The following PLEKHA2 variants were observed in gnomAD, a reference collection of about 807,000 sequenced individuals.
The protein encoded by PLEKHA2 is pleckstrin homology domain-containing family A member 2.
A neutral mutation model predicts 53.2 loss-of-function variants in PLEKHA2; 28 were observed. That is an observed-to-expected ratio of 0.53 (90% confidence interval 0.39 to 0.72). PLEKHA2 has a LOEUF of 0.72. Ranked by LOEUF, PLEKHA2 falls within the 30% of genes least tolerant of loss-of-function variation. PLEKHA2 has a pLI of 0.00. For missense variants in PLEKHA2, 426 were observed against 537.9 expected (o/e 0.79, Z 2.06); for synonymous variants, 193 against 196.4 (o/e 0.98, Z 0.14).
chr8:38,971,314 CT>C lies in PLEKHA2; in HGVS notation c.*1532del. 6.5e-6 allele frequency: 1 copy of C among 154,300 alleles called. No individual in the cohort carries two copies. 9.6% of individuals were successfully genotyped at this position (154,300 alleles called of 1,614,324 possible). A position where few individuals can be genotyped will look rare whatever the true frequency, so the allele number is the denominator to read the frequency against. On this transcript the variant is annotated 3_prime_UTR_variant, in exon 12 of 12. Coordinates refer to ENST00000617275, the MANE Select transcript of PLEKHA2 (RefSeq NM_021623.2). Reference sequence around the variant, plus strand: ...CTTTCTCTCCCTTCCATCCCTTCCCCTGCCTTTCCTATACACGCTGGTGTGC... The same window carrying C: ...CTTTCTCTCCCTTCCATCCCTTCCCCGCCTTTCCTATACACGCTGGTGTGC...
intron 3 of PLEKHA2, among the ~76,000 whole-genome samples, chr8:38,942,977 A>G (rs1417732270): frequency 6.6e-6 from 1 of 152,164 alleles, no homozygotes; most frequent in Non-Finnish European, 1.5e-5. Context: ...TGTAAAGGCA[A>G]TTGTTCCATG....
At chr8:38,920,485 G>A (rs905697194) in intron 2 of PLEKHA2, among the ~76,000 whole-genome samples, 1 of 151,856 alleles carries the variant, frequency 6.6e-6, no homozygotes, top group African/African-American at 2.4e-5. Flanking sequence ...ATGTTGGCCA[G>A]GCTGGTCTTG....
At chr8:38,933,790 A>AAAAAAAAAAAAAAAAAAAGAAAG (rs71216697) in intron 2 of PLEKHA2, among the ~76,000 whole-genome samples, 2 of 90,662 alleles carry the variant, frequency 2.2e-5, no homozygotes, top group African/African-American at 7.7e-5. Context: ...AAAAAAAAAA[A>AAAAAAAAAAAAAAAAAAAGAAAG]AAAAGAAAAG....
chr8:38,952,594 G>T (rs1834866176), intron 7 of PLEKHA2, 42 bp from the exon 8 acceptor site: 1 of 1,576,292 alleles, frequency 6.3e-7, no homozygotes, highest in East Asian at 2.2e-5. Flanking sequence ...ACAATGCTGG[G>T]CACCTCTCGC....
intron 2 of PLEKHA2, among the ~76,000 whole-genome samples, chr8:38,930,638 G>T (rs1834374503): frequency 7.3e-6 from 1 of 136,584 alleles, no homozygotes; most frequent in Non-Finnish European, 1.6e-5. Context: ...GCGAGGCACG[G>T]CACCCCACGG....
intron 8 of PLEKHA2, 147 bp downstream of exon 8, chr8:38,952,851 C>A: frequency 1.3e-6 from 1 of 786,510 alleles, no homozygotes; most frequent in Non-Finnish European, 2.1e-6. Context: ...TCTGTGCACA[C>A]ATCTTTACAG....
intron 10 of PLEKHA2, among the ~76,000 whole-genome samples, chr8:38,966,398 G>A (rs1174404764): frequency 6.6e-6 from 1 of 152,154 alleles, no homozygotes; most frequent in Admixed American, 6.5e-5. Context: ...ACGCGTGTGT[G>A]TTTTGGTGGG....
chr8:38,924,103 C>T lies in PLEKHA2; in HGVS notation c.141+6033C>T, dbSNP rs1194453875. On this transcript the variant is annotated intron_variant, in intron 2 of 11. Transcript: ENST00000617275. ...CTGACCTCAGGTGATCCACCCACCT[C>T]GGCATCCAAAGTGCTGGGTTACAGA... 3.3e-5 allele frequency among the ~76,000 whole-genome samples: 5 copies of T among 152,076 alleles called. No individual in the cohort carries two copies. The South Asian group carries it at 8.3e-4, about 25-fold the overall frequency.
intron 2 of PLEKHA2, among the ~76,000 whole-genome samples, chr8:38,923,522 C>T (rs11782824): frequency 3.3e-5 from 5 of 151,976 alleles, no homozygotes; most frequent in Admixed American, 2.0e-4. Context: ...GTGATCCTTA[C>T]GTGCCTTTTA....
In PLEKHA2 at chr8:38,970,487, G is replaced by C. The variant is rs906541053; in HGVS notation, c.*704G>C. ...TGAGTTGCTGGCCAGAGATTCCTCAGATAAAAGAGCCTAGAAAATTGAGTT... is the reference window on the plus strand; with the variant it reads ...TGAGTTGCTGGCCAGAGATTCCTCACATAAAAGAGCCTAGAAAATTGAGTT... On this transcript the variant is annotated 3_prime_UTR_variant, in exon 12 of 12. Transcript: ENST00000617275. 1 of 159,188 alleles carries C rather than the reference G, an allele frequency of 6.3e-6. No individual in the cohort carries two copies. Among genetic ancestry groups the C allele is most frequent in the African/African-American group, 2.4e-5 (1 of 41,500 alleles). 9.9% of individuals were successfully genotyped at this position (159,188 alleles called of 1,614,324 possible).
Position 38,946,034 on chromosome 8 carries a change from C to T in PLEKHA2, c.248-90C>T, listed in dbSNP as rs1050244502. ...CTTTGTGGAGTTCACTCATCTCACT[C>T]CCTCAAACACCTTAGCTTTGTGGAG... On this transcript the variant is annotated intron_variant, in intron 4 of 11. Transcript: ENST00000617275. 8.8e-6 allele frequency: 9 copies of T among 1,019,166 alleles called. No individual in the cohort carries two copies. In the Admixed American group the frequency reaches 1.7e-4, roughly 19 times the overall value. The allele number at this position is 1,019,166 out of a possible 1,614,324, so 63.1% of individuals were successfully genotyped here.
intron 1 of PLEKHA2, among the ~76,000 whole-genome samples, chr8:38,910,266 G>C (rs7836041): frequency 2.0e-5 from 3 of 152,082 alleles, no homozygotes; most frequent in South Asian, 2.1e-4. Flanking sequence ...CTGAAATACA[G>C]TTTTTAGTTA....
At chr8:38,923,091 A>G (rs918010581) in intron 2 of PLEKHA2, among the ~76,000 whole-genome samples, 6 of 152,220 alleles carry the variant, frequency 3.9e-5, no homozygotes, top group Non-Finnish European at 7.3e-5. Flanking sequence ...CTGGCAAATC[A>G]TTATAACAGG....
intron 2 of PLEKHA2, among the ~76,000 whole-genome samples, chr8:38,920,552 G>A (rs1456265520): frequency 6.6e-6 from 1 of 151,236 alleles, no homozygotes; most frequent in Non-Finnish European, 1.5e-5. Flanking sequence ...TGGGATTACA[G>A]GCATGAGCCG....
At chr8:38,937,343 C>T (rs1250404321) in intron 3 of PLEKHA2, among the ~76,000 whole-genome samples, 1 of 152,160 alleles carries the variant, frequency 6.6e-6, no homozygotes, top group Non-Finnish European at 1.5e-5. Flanking sequence ...CCCAGGCCTG[C>T]CCGCCCTCCC....
intron 3 of PLEKHA2, among the ~76,000 whole-genome samples, chr8:38,942,226 A>AC (rs112379809): frequency 1.5e-4 from 23 of 151,786 alleles, no homozygotes; most frequent in African/African-American, 5.1e-4. Context: ...ACATAGCGAG[A>AC]CCCCATCTCT....
intron 3 of PLEKHA2, among the ~76,000 whole-genome samples, chr8:38,941,335 C>T (rs113304966): frequency 0.058 from 8,904 of 152,288 alleles, 310 homozygotes; most frequent in East Asian, 0.13. Flanking sequence ...GGATTACAGG[C>T]GTGAGCCACT....
At chr8:38,904,166 T>C (rs995037297) in intron 1 of PLEKHA2, among the ~76,000 whole-genome samples, 1 of 150,894 alleles carries the variant, frequency 6.6e-6, no homozygotes, top group Non-Finnish European at 1.5e-5. Flanking sequence ...AGGCCGGGGG[T>C]TGGTGTAGTG....
intron 6 of PLEKHA2, among the ~76,000 whole-genome samples, chr8:38,951,796 T>G (rs1403386746): frequency 1.3e-5 from 2 of 152,202 alleles, no homozygotes; most frequent in East Asian, 1.9e-4. Flanking sequence ...AGTGTCAGAC[T>G]CCTGGGCTGA....
Sources: allele counts gnomAD v4.1 joint callset (sites outside exome capture counted in the v4.1 genomes callset), GRCh38; gene constraint gnomAD v4.1.1; transcripts MANE v1.5; gene names NCBI Gene and HGNC (gene_info 2026-07-23, HGNC 2026-07-21).